ITGA6: variants seen among roughly 807,000 people sequenced by gnomAD.
ITGA6 encodes the protein integrin subunit alpha 6, also known as integrin alpha-6.
In ITGA6, 63 loss-of-function variants were observed where a neutral mutation model predicts 133.6. The observed-to-expected ratio is 0.47, with a 90% CI of 0.38 to 0.58. The LOEUF (loss-of-function observed/expected upper bound fraction) is 0.58, where lower values mean the gene tolerates loss of function less well. Ranked by LOEUF, ITGA6 falls within the 20% of genes least tolerant of loss-of-function variation. ITGA6 has a pLI of 0.00. For synonymous variants in ITGA6, 434 were observed against 482.0 expected (o/e 0.90, Z 1.30); for missense variants, 1,068 against 1,309.4 (o/e 0.82, Z 2.85).
intron 5 of ITGA6, 36 bp downstream of exon 5, chr2:172,471,141 T>C (rs1685917368): frequency 6.2e-7 from 1 of 1,613,332 alleles, no homozygotes; most frequent in Admixed American, 1.7e-5. Context: ...TTTGCCCACC[T>C]TCTCAGATAC....
intron 1 of ITGA6, chr2:172,428,539 G>A (rs1412090776): frequency 9.8e-6 from 1 of 101,796 alleles, no homozygotes; most frequent in East Asian, 5.0e-4. Context: ...ACTTTTACAT[G>A]CCTTTGAAAA....
chr2:172,433,165 G>A (rs1028329161), intron 1 of ITGA6, among the ~76,000 whole-genome samples: 2 of 152,154 alleles, frequency 1.3e-5, no homozygotes, highest in Non-Finnish European at 2.9e-5. Context: ...CCCTTTCTGG[G>A]CTTGGGTACA....
Position 172,491,390 on chromosome 2 carries a change from T to A in ITGA6, c.2890-35T>A. On this transcript the variant is annotated intron_variant, in intron 22 of 25. Transcript: ENST00000684293. The surrounding 1 kb of genome is among the most constrained non-coding windows in gnomAD (Gnocchi z 4.4). ...TAATTTGCCTTTGCCTAGGACACTT[T>A]TCACTTCCCTAATGCATTCACTGTC... The A allele has an allele frequency of 6.3e-7, 1 of 1,583,850 alleles. No individual in the cohort carries two copies. Among genetic ancestry groups the A allele is most frequent in the Non-Finnish European group, 8.7e-7 (1 of 1,152,542 alleles).
At chr2:172,439,953 G>T (rs1019513644) in intron 1 of ITGA6, among the ~76,000 whole-genome samples, 2 of 152,174 alleles carry the variant, frequency 1.3e-5, no homozygotes, top group Non-Finnish European at 2.9e-5. Flanking sequence ...TACATAGTGG[G>T]CTGGGAGAGA....
intron 5 of ITGA6, 103 bp downstream of exon 5, chr2:172,471,208 G>C: frequency 7.4e-7 from 1 of 1,356,428 alleles, no homozygotes; most frequent in South Asian, 1.2e-5. Context: ...GCTGAGAAGA[G>C]GCCAGGTGGG....
At position 172,489,695 on chromosome 2, in the gene ITGA6, C is replaced by T. The variant is rs138405160; in HGVS notation, c.2679+37C>T. 0.01 allele frequency: 15,847 copies of T among 1,549,570 alleles called. 98 individuals are homozygous for T. The highest frequency in any genetic ancestry group is 0.013 in the Non-Finnish European group (14,625 of 1,122,864). On this transcript the variant is annotated intron_variant, in intron 20 of 25. Transcript: ENST00000684293. ...GATTTATCTAATGTCTCCATAAATG[C>T]AAATTAGAGAAACTAACTTGTTAGG...
intron 25 of ITGA6, chr2:172,503,573 T>TA (rs1687436250): frequency 6.6e-6 from 1 of 152,260 alleles, no homozygotes; most frequent in Non-Finnish European, 1.5e-5. Context: ...ATATGTGTAC[T>TA]AGAGCCTCAG....
chr2:172,474,789 T>TA (rs1686093916), intron 6 of ITGA6, 140 bp from the exon 7 acceptor site: 1 of 695,690 alleles, frequency 1.4e-6, no homozygotes, highest in African/African-American at 1.8e-5. Flanking sequence ...CCTTGGTTTT[T>TA]AAAAAATGTT....
In ITGA6 at chr2:172,487,556, T is replaced by A. The variant is rs773171825; in HGVS notation, c.2170T>A (p.Leu724Met). ...TGTGTTTCTTTTACAGGAGAAACAG[T>A]TGAGTTGTGTTGCCAACCAGAATGG... ...RELRAFPEKQ[L>M]SCVANQNGSQ... Residue 724 changes from leucine to methionine, a missense_variant, in exon 16 of 26, where the codon TTG (leucine) becomes ATG (methionine). Around this residue, in one of 3 missense-constraint regions of ITGA6, gnomAD observed 609 missense variants for 707.2 expected, o/e 0.86. Coordinates refer to ENST00000684293, the MANE Select transcript of ITGA6 (RefSeq NM_000210.4). 1 of 1,614,136 alleles carries A rather than the reference T, an allele frequency of 6.2e-7. No homozygotes were observed.
chr2:172,488,203 G>A lies in ITGA6; in HGVS notation c.2480G>A (p.Gly827Glu), dbSNP rs768314042. ...EQAMKSEDEV[G>E]SLIEYEFRVI... ...GCTATGAAATCTGAAGATGAAGTGGGAAGTTTAATAGAGTATGAATTCAGG... is the reference window on the plus strand; with the variant it reads ...GCTATGAAATCTGAAGATGAAGTGGAAAGTTTAATAGAGTATGAATTCAGG... Residue 827 changes from glycine (G) to glutamate (E), a missense_variant, in exon 19 of 26, where the codon GGA becomes GAA. Physicochemically the swap from Gly to Glu is moderately conservative, Grantham distance 98 (BLOSUM62 -2). Transcript: ENST00000684293. 6.2e-7 allele frequency: 1 copy of A among 1,613,556 alleles called. No homozygotes were observed. The highest frequency in any genetic ancestry group is 1.1e-5 in the South Asian group (1 of 91,068).
At chr2:172,488,563 T>A (rs1305433342) in intron 19 of ITGA6, among the ~76,000 whole-genome samples, 1 of 152,224 alleles carries the variant, frequency 6.6e-6, no homozygotes, top group Non-Finnish European at 1.5e-5. Flanking sequence ...GTTTTTGTGG[T>A]GAATGTAGAT....
intron 1 of ITGA6, among the ~76,000 whole-genome samples, chr2:172,454,118 C>T (rs965280911): frequency 1.3e-5 from 2 of 148,314 alleles, no homozygotes; most frequent in African/African-American, 5.0e-5. Flanking sequence ...TGGAGTCTCA[C>T]TCTTGCCCAG....
In ITGA6 at chr2:172,427,980, CA is replaced by C. The variant is rs1219291262; in HGVS notation, c.182+11del. Reference sequence around the variant, plus strand: ...CCGAGGACAAGCGGCTGTGAGTTCCCAGACCCTTCCCACCCCCACTGGGGCG... The same window carrying C: ...CCGAGGACAAGCGGCTGTGAGTTCCCGACCCTTCCCACCCCCACTGGGGCG... On this transcript the variant is annotated intron_variant, in intron 1 of 25. Coordinates refer to ENST00000684293, the MANE Select transcript of ITGA6 (RefSeq NM_000210.4). 6.3e-7 allele frequency: 1 copy of C among 1,599,154 alleles called. No homozygotes were observed. Among genetic ancestry groups the C allele is most frequent in the Non-Finnish European group, 8.5e-7 (1 of 1,173,940 alleles).
intron 19 of ITGA6, among the ~76,000 whole-genome samples, 195 bp downstream of exon 19, chr2:172,488,423 A>G (rs1461962109): frequency 1.3e-5 from 2 of 152,210 alleles, no homozygotes; most frequent in Non-Finnish European, 2.9e-5. Context: ...ATGGAGAACA[A>G]TTGTCACTGT....
intron 1 of ITGA6, among the ~76,000 whole-genome samples, chr2:172,439,267 C>T (rs1274487809): frequency 6.6e-6 from 1 of 151,838 alleles, no homozygotes; most frequent in East Asian, 1.9e-4. Flanking sequence ...ATGCATCCAG[C>T]GTCTCAGTGC....
intron 25 of ITGA6, chr2:172,503,822 A>G: frequency 8.1e-6 from 2 of 245,982 alleles, no homozygotes; most frequent in Admixed American, 5.4e-5. Context: ...TTAAATTGTT[A>G]GTAAAGAGGT....
chr2:172,466,759 G>C (rs1685691972), intron 2 of ITGA6, among the ~76,000 whole-genome samples: 2 of 151,900 alleles, frequency 1.3e-5, no homozygotes, highest in Non-Finnish European at 2.9e-5. Context: ...TAACATTTTG[G>C]CATTTTTCCT....
intron 1 of ITGA6, among the ~76,000 whole-genome samples, chr2:172,441,558 TTAAAAAAAAA>T (rs1301475846): frequency 4.5e-4 from 29 of 64,840 alleles, no homozygotes; most frequent in African/African-American, 1.6e-3. Context: ...CGCTGTCTCT[TTAAAAAAAAA>T]AAAAAAAAAA....
intron 20 of ITGA6, among the ~76,000 whole-genome samples, chr2:172,490,108 C>T (rs1258167776): frequency 1.3e-5 from 2 of 152,160 alleles, no homozygotes; most frequent in Non-Finnish European, 2.9e-5. Flanking sequence ...TTATTGTGTA[C>T]TCATTGTGTC....
Sources: allele counts gnomAD v4.1 joint callset (sites outside exome capture counted in the v4.1 genomes callset), GRCh38; gene constraint gnomAD v4.1.1; regional missense constraint gnomAD v4.1.1; non-coding constraint Gnocchi (gnomAD v3.1); transcripts MANE v1.5; gene names NCBI Gene and HGNC (gene_info 2026-07-23, HGNC 2026-07-21).